The following ATP10A variants were observed in gnomAD, a reference collection of about 807,000 sequenced individuals.
ATP10A encodes ATPase phospholipid transporting 10A (putative).
ATP10A carries 111 observed loss-of-function variants against 147.8 expected under a neutral mutation model. The observed-to-expected ratio is 0.75, with a 90% CI of 0.64 to 0.88. The LOEUF (loss-of-function observed/expected upper bound fraction) is 0.88. Among genes scored for constraint, ATP10A ranks in the 40% least tolerant of loss-of-function variants. ATP10A has a pLI of 0.00. For synonymous variants in ATP10A, 875 were observed against 841.6 expected (o/e 1.04, Z -0.69); for missense variants, 1,927 against 1,959.0 (o/e 0.98, Z 0.31).
chr15:25,694,344 T>C (rs59706481), intron 14 of ATP10A, among the ~76,000 whole-genome samples: 16,824 of 152,302 alleles, frequency 0.11, 1,068 homozygotes, highest in South Asian at 0.23. Flanking sequence ...TCAGCACAGC[T>C]GACAGGAGGC....
At chr15:25,780,740 T>G (rs1889878803) in intron 2 of ATP10A, among the ~76,000 whole-genome samples, 1 of 152,204 alleles carries the variant, frequency 6.6e-6, no homozygotes, top group Non-Finnish European at 1.5e-5. Flanking sequence ...CTCATAAATG[T>G]TCCTTGTAAC....
chr15:25,723,771 T>G (rs75257962), intron 6 of ATP10A, 120 bp downstream of exon 6: 15,260 of 819,222 alleles, frequency 0.019, 197 homozygotes, highest in Middle Eastern at 0.036. Context: ...GAACTCCAGG[T>G]AGATATATTT....
At chr15:25,841,973 T>A (rs532753061) in intron 1 of ATP10A, among the ~76,000 whole-genome samples, 1 of 152,352 alleles carries the variant, frequency 6.6e-6, no homozygotes, top group Non-Finnish European at 1.5e-5. Context: ...GTAGAATCAG[T>A]CTTTCATCCT....
intron 1 of ATP10A, among the ~76,000 whole-genome samples, chr15:25,804,098 T>G (rs544423512): frequency 1.1e-5 from 1 of 94,020 alleles, no homozygotes; most frequent in African/African-American, 3.8e-5. Flanking sequence ...TGTGTGTGTG[T>G]GGTGCATGCC....
intron 3 of ATP10A, among the ~76,000 whole-genome samples, chr15:25,727,707 G>A (rs1354941483): frequency 6.6e-6 from 1 of 152,120 alleles, no homozygotes; most frequent in Non-Finnish European, 1.5e-5. Flanking sequence ...GGACGATATT[G>A]GTTTCATTTT....
In ATP10A at chr15:25,681,792, G is replaced by A. The variant is rs112688075; in HGVS notation, c.3493-718C>T. 7.8e-3 allele frequency among the ~76,000 whole-genome samples: 1,193 copies of A among 152,270 alleles called. 18 individuals carry two copies. The highest frequency in any genetic ancestry group is 0.027 in the African/African-American group (1,137 of 41,554). ...AAACTGGCTGGGTGCGGTGGCTCAC[G>A]CCTGTAATCCCAGCACTTTGGGATG... is the stretch of plus-strand genomic sequence containing the variant. On this transcript the variant is annotated intron_variant, in intron 17 of 20. Transcript: ENST00000555815.
At chr15:25,792,057 C>T (rs554783765) in intron 1 of ATP10A, among the ~76,000 whole-genome samples, 12 of 152,232 alleles carry the variant, frequency 7.9e-5, no homozygotes, top group South Asian at 2.1e-4. Flanking sequence ...TCCTCTGTTA[C>T]GACCTGAGCA....
At chr15:25,757,358 A>C (rs1888471162) in intron 2 of ATP10A, among the ~76,000 whole-genome samples, 1 of 152,116 alleles carries the variant, frequency 6.6e-6, no homozygotes, top group African/African-American at 2.4e-5. Flanking sequence ...ATAAAGGTTA[A>C]AATTCTAATT....
intron 2 of ATP10A, among the ~76,000 whole-genome samples, chr15:25,766,079 T>A (rs1889007105): frequency 6.6e-6 from 1 of 152,190 alleles, no homozygotes; most frequent in Admixed American, 6.5e-5. Flanking sequence ...TGAAAGGCAC[T>A]TCTTACATGG....
intron 1 of ATP10A, among the ~76,000 whole-genome samples, chr15:25,853,022 GTC>G (rs1185633677): frequency 6.6e-6 from 1 of 152,156 alleles, no homozygotes; most frequent in Non-Finnish European, 1.5e-5. Flanking sequence ...CGTTTTAATT[GTC>G]TCTAACTTAA....
At chr15:25,822,775 T>C (rs904548446) in intron 1 of ATP10A, among the ~76,000 whole-genome samples, 1 of 152,206 alleles carries the variant, frequency 6.6e-6, no homozygotes, top group Admixed American at 6.5e-5. Flanking sequence ...TTATACCTTA[T>C]ACAAAGCAGT....
At chr15:25,730,292 A>ACT (rs1902888937) in intron 3 of ATP10A, among the ~76,000 whole-genome samples, 1 of 142,830 alleles carries the variant, frequency 7.0e-6, no homozygotes. Flanking sequence ...ACAGAGTGAG[A>ACT]CTCTGTCTCA....
chr15:25,722,187 G>C (rs1442175379), intron 6 of ATP10A, among the ~76,000 whole-genome samples: 1 of 152,142 alleles, frequency 6.6e-6, no homozygotes, highest in Non-Finnish European at 1.5e-5. Context: ...ATAGAAGCAA[G>C]CAAGTTGTGC....
At chr15:25,702,183 A>C in intron 12 of ATP10A, 83 bp from the exon 13 acceptor site, 1 of 1,403,498 alleles carries the variant, frequency 7.1e-7, no homozygotes, top group Non-Finnish European at 9.8e-7. Context: ...CATGCACCAG[A>C]TACACCGAAG....
At chr15:25,711,921 C>T (rs1011555389) in intron 10 of ATP10A, among the ~76,000 whole-genome samples, 2 of 152,288 alleles carry the variant, frequency 1.3e-5, no homozygotes, top group Admixed American at 6.5e-5. Flanking sequence ...CATCAGGTGC[C>T]TTCCCAACTT....
chr15:25,746,908 T>A (rs1887870080), intron 2 of ATP10A, among the ~76,000 whole-genome samples: 2 of 152,174 alleles, frequency 1.3e-5, no homozygotes, highest in African/African-American at 2.4e-5. Context: ...GGATTAGGAA[T>A]GTTCAGCTGG....
intron 3 of ATP10A, among the ~76,000 whole-genome samples, chr15:25,735,665 G>A (rs572924935): frequency 2.0e-5 from 3 of 152,236 alleles, no homozygotes; most frequent in African/African-American, 7.2e-5. Context: ...CAATAAATAC[G>A]TGTTCAGTGA....
Position 25,713,759 on chromosome 15 carries a change from G to A in ATP10A, c.2259C>T (p.Ile753=), listed in dbSNP as rs1412115068. 1 of 1,614,016 alleles carries A rather than the reference G, an allele frequency of 6.2e-7. No homozygotes were observed. Among genetic ancestry groups the A allele is most frequent in the African/African-American group, 1.3e-5 (1 of 74,922 alleles). ...TGATCTCATCGGTAAGCGGGTGCCG[G>A]ATCACCACTGACATCCTCTTGCGGA... ...DSVRKRMSVV[I]RHPLTDEINV... Residue 753 remains isoleucine (I), a synonymous_variant, in exon 10 of 21, where the codon ATC becomes ATT. Transcript: ENST00000555815.
chr15:25,786,393 G>A (rs1340582154), intron 1 of ATP10A, among the ~76,000 whole-genome samples: 1 of 152,156 alleles, frequency 6.6e-6, no homozygotes, highest in Non-Finnish European at 1.5e-5. Context: ...AACTTCCAGT[G>A]GCACATCCAT....
Sources: allele counts gnomAD v4.1 joint callset (sites outside exome capture counted in the v4.1 genomes callset), GRCh38; gene constraint gnomAD v4.1.1; transcripts MANE v1.5; gene names NCBI Gene and HGNC (gene_info 2026-07-23, HGNC 2026-07-21).